The following EPHA6 variants were observed in gnomAD, a reference collection of about 807,000 sequenced individuals.
EPHA6 encodes ephrin type-A receptor 6.
Under a neutral mutation model 112.0 loss-of-function variants are expected in EPHA6, and 50 were observed. The ratio of observed to expected loss-of-function variants is 0.45; its 90% CI spans 0.36 to 0.56. EPHA6 has a LOEUF of 0.56. Among genes scored for constraint, EPHA6 ranks in the 20% least tolerant of loss-of-function variants. The pLI is 0.00. For missense variants in EPHA6, 1,280 were observed against 1,417.4 expected (o/e 0.90, Z 1.56); for synonymous variants, 529 against 490.7 (o/e 1.08, Z -1.03).
rs571603488 is a variant in EPHA6, at chr3:97,662,309, G to A, written c.2784+24227G>A. Reference sequence around the variant, plus strand: ...GAAAAAGACAATGAAGATGAAACACGTTTTAAAACAATATGCAGAATAACT... The same window carrying A: ...GAAAAAGACAATGAAGATGAAACACATTTTAAAACAATATGCAGAATAACT... On this transcript the variant is annotated intron_variant, in intron 14 of 17. Coordinates refer to ENST00000389672, the MANE Select transcript of EPHA6 (RefSeq NM_001080448.3). Among the ~76,000 whole-genome samples the A allele has an allele frequency of 5.9e-5, 9 of 152,200 alleles. No homozygotes were observed. The East Asian group carries it at 7.7e-4, about 13-fold the overall frequency.
chr3:97,615,364 G>A (rs2093756866), intron 13 of EPHA6, among the ~76,000 whole-genome samples: 1 of 152,100 alleles, frequency 6.6e-6, no homozygotes, highest in African/African-American at 2.4e-5. Flanking sequence ...TATATACGTG[G>A]GCTCTGGGGT....
chr3:96,870,278 G>C (rs2036560251), intron 2 of EPHA6, among the ~76,000 whole-genome samples: 1 of 152,020 alleles, frequency 6.6e-6, no homozygotes, highest in South Asian at 2.1e-4. Flanking sequence ...CTAGTCCAAA[G>C]GCCCGGGGAG....
chr3:97,679,145 T>C (rs1424419094), intron 14 of EPHA6, among the ~76,000 whole-genome samples: 1 of 152,146 alleles, frequency 6.6e-6, no homozygotes, highest in African/African-American at 2.4e-5. Context: ...ATGATTTCCT[T>C]CCAATTGCTC....
intron 2 of EPHA6, among the ~76,000 whole-genome samples, chr3:96,917,278 A>G (rs913399119): frequency 3.3e-5 from 5 of 151,800 alleles, no homozygotes; most frequent in Admixed American, 2.6e-4. Context: ...AAAATTAGTC[A>G]GGCATGGTGC....
At chr3:97,554,001 A>G (rs2093067136) in intron 11 of EPHA6, among the ~76,000 whole-genome samples, 1 of 152,182 alleles carries the variant, frequency 6.6e-6, no homozygotes, top group South Asian at 2.1e-4. Flanking sequence ...TGAAATAACT[A>G]AGAGGATGGG....
At chr3:97,605,361 T>G (rs1055467560) in intron 12 of EPHA6, among the ~76,000 whole-genome samples, 1 of 151,642 alleles carries the variant, frequency 6.6e-6, no homozygotes, top group African/African-American at 2.4e-5. Flanking sequence ...CTAGGTTTTC[T>G]TCTAGGATTT....
At chr3:97,339,434 G>A (rs765183127) in intron 5 of EPHA6, among the ~76,000 whole-genome samples, 109 of 152,064 alleles carry the variant, frequency 7.2e-4, no homozygotes, top group Non-Finnish European at 1.4e-3. Flanking sequence ...TCATGCTAGA[G>A]TGAAGAAATT....
Position 97,642,506 on chromosome 3 carries a change from C to T in EPHA6, c.2784+4424C>T, listed in dbSNP as rs942810734. On this transcript the variant is annotated intron_variant, in intron 14 of 17. Coordinates refer to ENST00000389672, the MANE Select transcript of EPHA6 (RefSeq NM_001080448.3). ...CAAATTACTCGGAGCTACGGGAGGA[C>T]ATTCAAACCAAAGGCAAAGAAGTTG... Among the ~76,000 whole-genome samples, 800 of 145,706 alleles carry T rather than the reference C, an allele frequency of 5.5e-3. 5 individuals are homozygous for T. The highest frequency in any genetic ancestry group is 0.019 in the African/African-American group (760 of 39,422).
chr3:97,387,637 A>G (rs2086148757), intron 5 of EPHA6, among the ~76,000 whole-genome samples: 1 of 152,104 alleles, frequency 6.6e-6, no homozygotes, highest in Non-Finnish European at 1.5e-5. Context: ...GAAGTTCCAA[A>G]CTGTCCCTCA....
intron 5 of EPHA6, among the ~76,000 whole-genome samples, chr3:97,245,239 T>C (rs965643185): frequency 6.6e-6 from 1 of 152,056 alleles, no homozygotes; most frequent in Admixed American, 6.6e-5. Context: ...TTGTCAGCAT[T>C]GTTGATTTCG....
intron 11 of EPHA6, among the ~76,000 whole-genome samples, chr3:97,549,161 A>G (rs2092996739): frequency 6.6e-6 from 1 of 152,208 alleles, no homozygotes; most frequent in Non-Finnish European, 1.5e-5. Context: ...ACTCCTATTT[A>G]TTAAAAAATG....
intron 7 of EPHA6, among the ~76,000 whole-genome samples, chr3:97,452,617 G>C (rs760583409): frequency 4.6e-5 from 7 of 151,574 alleles, no homozygotes; most frequent in Admixed American, 1.3e-4. Context: ...TAAAATTACA[G>C]AATCAGTAGT....
intron 5 of EPHA6, among the ~76,000 whole-genome samples, chr3:97,374,674 T>G (rs1401507566): frequency 6.6e-6 from 1 of 152,024 alleles, no homozygotes; most frequent in Non-Finnish European, 1.5e-5. Flanking sequence ...ATCCTTATAT[T>G]AGTCCCATAG....
chr3:97,335,575 G>C (rs180778779), intron 5 of EPHA6, among the ~76,000 whole-genome samples: 1 of 151,926 alleles, frequency 6.6e-6, no homozygotes, highest in East Asian at 1.9e-4. Flanking sequence ...TGGCTTTTTC[G>C]ACCATGCACC....
Position 96,814,970 on chromosome 3 carries a change from C to A in EPHA6, c.347C>A (p.Ala116Glu). The A allele has an allele frequency of 1.3e-6, 2 of 1,539,730 alleles. No individual in the cohort carries two copies. Among genetic ancestry groups the A allele is most frequent in the East Asian group, 2.5e-5 (1 of 40,674 alleles). Residue 116 changes from alanine (A) to glutamate (E), a missense_variant, in exon 1 of 18, where the codon GCG becomes GAG. Physicochemically the swap from Ala to Glu is moderately radical, Grantham distance 107. Around this residue, in one of 4 missense-constraint regions of EPHA6, gnomAD observed 220 missense variants for 171.5 expected, o/e 1.28. Transcript: ENST00000389672. ...GGTTTCTTCTTGCCTCTGCTGACAG[C>A]GTGGCCAGGCGACTGCAGTCACGTC... ...QFGFFLPLLT[A>E]WPGDCSHVSN...
chr3:97,141,997 C>G (rs572478393), intron 3 of EPHA6, among the ~76,000 whole-genome samples: 2 of 152,060 alleles, frequency 1.3e-5, no homozygotes, highest in African/African-American at 2.4e-5. Flanking sequence ...TTGCATCACT[C>G]TAATATATTG....
chr3:97,020,418 A>G (rs974000155), intron 3 of EPHA6, among the ~76,000 whole-genome samples: 1 of 152,226 alleles, frequency 6.6e-6, no homozygotes. Flanking sequence ...TAAGAAAAAT[A>G]ATATTTCTAG....
chr3:97,614,334 CTT>C (rs11288058), intron 13 of EPHA6, among the ~76,000 whole-genome samples: 3,002 of 124,724 alleles, frequency 0.024, 107 homozygotes, highest in African/African-American at 0.091. Context: ...GGTATACTTA[CTT>C]TTTTTTTTTT....
chr3:97,638,152 C>A, intron 14 of EPHA6, 70 bp downstream of exon 14: 1 of 1,084,522 alleles, frequency 9.2e-7, no homozygotes, highest in Non-Finnish European at 1.3e-6. Flanking sequence ...TAGAGTAATT[C>A]TGTTTCTGCC....
Sources: allele counts gnomAD v4.1 joint callset (sites outside exome capture counted in the v4.1 genomes callset), GRCh38; gene constraint gnomAD v4.1.1; regional missense constraint gnomAD v4.1.1; transcripts MANE v1.5; gene names NCBI Gene and HGNC (gene_info 2026-07-23, HGNC 2026-07-21).